Variants in ZFAT observed in about 807,000 individuals in gnomAD.
ZFAT encodes the protein zinc finger protein ZFAT.
ZFAT carries 64 observed loss-of-function variants against 117.7 expected under a neutral mutation model. The ratio of observed to expected loss-of-function variants is 0.54; its 90% confidence interval spans 0.44 to 0.67. The LOEUF is 0.67. Ranked by LOEUF, ZFAT falls within the 30% of genes least tolerant of loss-of-function variation. The pLI is 0.00. For synonymous variants in ZFAT, 679 were observed against 615.0 expected (o/e 1.10, Z -1.54); for missense variants, 1,433 against 1,584.5 (o/e 0.90, Z 1.62).
At chr8:134,485,958 C>T (rs1254539257) in intron 15 of ZFAT, among the ~76,000 whole-genome samples, 3 of 152,240 alleles carry the variant, frequency 2.0e-5, no homozygotes, top group African/African-American at 7.2e-5. Context: ...CCCCACATGC[C>T]TGTGCAGAGG....
At chr8:134,821,126 G>A in the ZFAT span, among the ~76,000 whole-genome samples, 1 of 152,138 alleles carries the variant, frequency 6.6e-6, no homozygotes, top group Non-Finnish European at 1.5e-5. Flanking sequence ...TGAAAACTGT[G>A]CTATTTTATA....
the ZFAT span, among the ~76,000 whole-genome samples, chr8:134,819,870 G>GA: frequency 5.7e-3 from 818 of 144,238 alleles, 5 homozygotes; most frequent in Middle Eastern, 0.018. Context: ...ACGGGGGGAA[G>GA]AAAAAAAAAA....
At chr8:134,676,458 G>T (rs1395794567) in intron 1 of ZFAT, among the ~76,000 whole-genome samples, 2 of 152,080 alleles carry the variant, frequency 1.3e-5, no homozygotes, top group African/African-American at 2.4e-5. Context: ...ACTTCTTAAA[G>T]ACCTACAAAG....
chr8:134,559,967 A>G (rs2130745581), intron 11 of ZFAT, among the ~76,000 whole-genome samples: 1 of 152,362 alleles, frequency 6.6e-6, no homozygotes, highest in South Asian at 2.1e-4. Context: ...CCAGCTGTCC[A>G]GTCAATATTT....
At chr8:134,590,944 C>T (rs903804607) in intron 7 of ZFAT, among the ~76,000 whole-genome samples, 4 of 152,170 alleles carry the variant, frequency 2.6e-5, no homozygotes, top group Non-Finnish European at 4.4e-5. Context: ...CTCTACCTGG[C>T]GCTGCACAGC....
chr8:134,511,473 C>A (rs375083966), intron 14 of ZFAT, among the ~76,000 whole-genome samples: 2 of 152,204 alleles, frequency 1.3e-5, no homozygotes, highest in East Asian at 3.9e-4. Context: ...GTGAACACAG[C>A]CCTGTCCATT....
intron 5 of ZFAT, among the ~76,000 whole-genome samples, chr8:134,608,214 T>C: frequency 6.6e-6 from 1 of 152,332 alleles, no homozygotes; most frequent in South Asian, 2.1e-4. Context: ...TAAACCAATA[T>C]ATGTTAGTAT....
intron 1 of ZFAT, among the ~76,000 whole-genome samples, chr8:134,682,467 G>GGACA (rs1260411629): frequency 6.6e-6 from 1 of 151,958 alleles, no homozygotes; most frequent in Non-Finnish European, 1.5e-5. Flanking sequence ...ACCACCTAAG[G>GGACA]GACATGGCGA....
At chr8:134,537,001 T>G (rs1004398630) in intron 11 of ZFAT, among the ~76,000 whole-genome samples, 1 of 152,254 alleles carries the variant, frequency 6.6e-6, no homozygotes, top group Non-Finnish European at 1.5e-5. Context: ...GGGAGCCCAT[T>G]AGCATAGCTA....
At chr8:134,542,431 G>C (rs1003718514) in intron 11 of ZFAT, among the ~76,000 whole-genome samples, 3 of 152,238 alleles carry the variant, frequency 2.0e-5, no homozygotes, top group Admixed American at 6.5e-5. Context: ...CAAACAGGTA[G>C]TTTTTCAATC....
rs1201957814 is a variant in ZFAT at position 134,588,311 on chromosome 8, G to T, written c.2648C>A (p.Pro883Gln). Reference sequence around the variant, plus strand: ...CTTCATGAAATAAAAGTCACAATATGGGCATTTCATGGCTCTCTTTCCAAT... The same window carrying T: ...CTTCATGAAATAAAAGTCACAATATTGGCATTTCATGGCTCTCTTTCCAAT... ...GLIGKRAMKC[P>Q]YCDFYFMKNG... Residue 883 changes from proline (P) to glutamine (Q), a missense_variant, in exon 9 of 16, where the codon CCA becomes CAA. Physicochemically the swap from Pro to Gln is moderately conservative, Grantham distance 76. Transcript: ENST00000377838. 2 of 1,584,408 alleles carry T rather than the reference G, an allele frequency of 1.3e-6. No individual in the cohort carries two copies. Among genetic ancestry groups the T allele is most frequent in the Non-Finnish European group, 1.7e-6 (2 of 1,164,230 alleles).
At chr8:134,801,288 A>G in the ZFAT span, among the ~76,000 whole-genome samples, 1 of 152,132 alleles carries the variant, frequency 6.6e-6, no homozygotes, top group Non-Finnish European at 1.5e-5. Context: ...AAGGTGTCTC[A>G]AAGAAATGTC....
intron 1 of ZFAT, among the ~76,000 whole-genome samples, chr8:134,679,429 T>C (rs1016087038): frequency 1.3e-5 from 2 of 152,174 alleles, no homozygotes; most frequent in African/African-American, 4.8e-5. Context: ...CATTAAAAAC[T>C]CAGGAAACAA....
chr8:134,797,785 T>C, the ZFAT span: 2 of 151,864 alleles, frequency 1.3e-5, no homozygotes, highest in African/African-American at 2.4e-5. Flanking sequence ...AAATGTGAAA[T>C]TGTTGTTTTA....
chr8:134,641,888 C>G (rs1468579500), intron 2 of ZFAT, among the ~76,000 whole-genome samples: 1 of 152,228 alleles, frequency 6.6e-6, no homozygotes, highest in African/African-American at 2.4e-5. Context: ...AGGCCAAAAA[C>G]TGGCAAGGGG....
chr8:134,567,221 C>T (rs1554646777), intron 10 of ZFAT, among the ~76,000 whole-genome samples: 1 of 152,206 alleles, frequency 6.6e-6, no homozygotes, highest in Non-Finnish European at 1.5e-5. Flanking sequence ...AGTTTATCAT[C>T]CATCTGATCA....
rs978215634 is a variant in ZFAT at position 134,663,581 on chromosome 8, AC to A, written c.20-5845del. Among the ~76,000 whole-genome samples the A allele has an allele frequency of 2.3e-3, 351 of 152,226 alleles. 1 individual carries two copies. The highest frequency in any genetic ancestry group is 8.2e-3 in the African/African-American group (340 of 41,520). ...GTGAAACCCCGTCTCCACTAAAAAT[AC>A]AAAAAATTAGCCGGGGGTGGGGGCA... On this transcript the variant is annotated intron_variant, in intron 1 of 15. Coordinates refer to ENST00000377838, the MANE Select transcript of ZFAT (RefSeq NM_020863.4).
At chr8:134,480,181 C>T (rs569178937) in intron 15 of ZFAT, among the ~76,000 whole-genome samples, 26 of 152,106 alleles carry the variant, frequency 1.7e-4, no homozygotes, top group South Asian at 6.2e-4. Context: ...AAGCTGGTCT[C>T]GAACTCCTGA....
At chr8:134,744,035 G>A in the ZFAT span, among the ~76,000 whole-genome samples, 3 of 152,170 alleles carry the variant, frequency 2.0e-5, 1 homozygote, top group East Asian at 1.9e-4. Flanking sequence ...CTTAGTGACT[G>A]CAAGCTACAC....
Sources: allele counts gnomAD v4.1 joint callset (sites outside exome capture counted in the v4.1 genomes callset), GRCh38; gene constraint gnomAD v4.1.1; transcripts MANE v1.5; gene names NCBI Gene and HGNC (gene_info 2026-07-23, HGNC 2026-07-21).